The following HGS variants were observed in gnomAD, a reference collection of about 807,000 sequenced individuals.
HGS encodes hepatocyte growth factor-regulated tyrosine kinase substrate.
Under a neutral mutation model 109.7 loss-of-function variants are expected in HGS, and 63 were observed. The observed-to-expected ratio is 0.57, with a 90% CI of 0.47 to 0.71. The LOEUF (loss-of-function observed/expected upper bound fraction) is 0.71. Ranked by LOEUF, HGS falls within the 30% of genes least tolerant of loss-of-function variation. The pLI, the probability that HGS is intolerant of heterozygous loss-of-function variation, is 0.00. For missense variants in HGS, 995 were observed against 1,068.3 expected (o/e 0.93, Z 0.96); for synonymous variants, 546 against 437.3 (o/e 1.25, Z -3.10).
intron 2 of HGS, 57 bp from the exon 3 acceptor site, chr17:81,686,255 T>C (rs1240297318): frequency 6.3e-6 from 9 of 1,428,348 alleles, no homozygotes; most frequent in Non-Finnish European, 7.9e-6. Flanking sequence ...CTCATCTTAG[T>C]TGCTGAGACT....
intron 3 of HGS, among the ~76,000 whole-genome samples, chr17:81,686,643 C>T (rs1379886257): frequency 1.3e-5 from 2 of 152,346 alleles, no homozygotes; most frequent in South Asian, 2.1e-4. Flanking sequence ...CACCAGAAGG[C>T]GGATGTCATT....
rs1489481525 is a variant in HGS, at chr17:81,701,603, C to G, written c.2319C>G (p.Leu773=). Residue 773 remains leucine, a synonymous_variant, in exon 22 of 22, where the codon CTC becomes CTG. Transcript: ENST00000329138. ...GPPAQGSEAQ[L]ISFD is the part of the protein sequence containing the mutation. ...CGGCACAGGGCAGCGAGGCCCAGCT[C>G]ATTTCATTCGACTGACCCAGGCCAT... 3 of 1,566,710 alleles carry G rather than the reference C, an allele frequency of 1.9e-6. No individual in the cohort carries two copies. Among genetic ancestry groups the G allele is most frequent in the African/African-American group, 1.4e-5 (1 of 73,934 alleles).
intron 18 of HGS, among the ~76,000 whole-genome samples, chr17:81,698,675 T>C (rs2037190131): frequency 6.6e-6 from 1 of 152,204 alleles, no homozygotes; most frequent in Admixed American, 6.5e-5. Context: ...AGCTCTAGGT[T>C]GTTAGCAGAC....
At position 81,695,910 on chromosome 17, in the gene HGS, A is replaced by G. The variant is rs779150744; in HGVS notation, c.1304A>G (p.Asn435Ser). The G allele has an allele frequency of 6.2e-6, 10 of 1,609,076 alleles. No homozygotes were observed. The highest frequency in any genetic ancestry group is 1.6e-4 in the Middle Eastern group (1 of 6,066). The change falls in exon 15 of 22, where the codon AAT (asparagine) becomes AGT (serine). Residue 435 changes from asparagine to serine, a missense_variant. Asn to Ser is a conservative substitution (Grantham distance 46). Around this residue, in one of 6 missense-constraint regions of HGS, gnomAD observed 163 missense variants for 217.8 expected, o/e 0.75. Transcript: ENST00000329138. ...SNHMRGRSIT[N>S]DSAVLSLFQS... ...CACATGCGGGGCCGCAGCATCACCAATGACTCGGCCGTGCTCTCACTCTTC... is the reference window on the plus strand; with the variant it reads ...CACATGCGGGGCCGCAGCATCACCAGTGACTCGGCCGTGCTCTCACTCTTC...
intron 11 of HGS, among the ~76,000 whole-genome samples, chr17:81,694,588 G>C (rs982598581): frequency 6.6e-6 from 1 of 152,206 alleles, no homozygotes; most frequent in Non-Finnish European, 1.5e-5. Flanking sequence ...CCATAGCAAG[G>C]TTAGGAGCCT....
chr17:81,689,799 T>G (rs1055330753), intron 5 of HGS, among the ~76,000 whole-genome samples: 2 of 152,194 alleles, frequency 1.3e-5, no homozygotes, highest in Non-Finnish European at 2.9e-5. Context: ...GTGGGAGCTC[T>G]CCTGGATTTT....
chr17:81,700,469 C>T lies in HGS; in HGVS notation c.1885C>T (p.Pro629Ser), dbSNP rs751837720. 18 of 1,562,514 alleles carry T rather than the reference C, an allele frequency of 1.2e-5. No individual in the cohort carries two copies. The South Asian group carries it at 2.1e-4, about 19-fold the overall frequency. ...CTCCCCTGTCTTGTTTGTCACAGAT[C>T]CCAGCATGGTGAGTGCCTACATGTA... Reference protein sequence around the residue: ...YPSMPSTAADPSMVSAYMYPA... With the variant: ...YPSMPSTAADSSMVSAYMYPA... Residue 629 changes from proline (P) to serine (S), a missense_variant and splice_region_variant, in exon 19 of 22, where the codon CCC (proline) becomes TCC (serine). By Grantham distance (74) the Pro-to-Ser change is moderately conservative. Transcript: ENST00000329138.
chr17:81,689,114 G>A (rs984775247), intron 5 of HGS, among the ~76,000 whole-genome samples: 20 of 152,224 alleles, frequency 1.3e-4, no homozygotes, highest in Non-Finnish European at 2.6e-4. Flanking sequence ...GACTCCTGGG[G>A]GCCGGGTTGG....
Position 81,691,583 on chromosome 17 carries a change from C to T in HGS, c.662+12C>T. 3.1e-6 allele frequency: 5 copies of T among 1,613,714 alleles called. No individual in the cohort carries two copies. Among genetic ancestry groups the T allele is most frequent in the Non-Finnish European group, 4.2e-6 (5 of 1,179,840 alleles). On this transcript the variant is annotated intron_variant, in intron 8 of 21. Coordinates refer to ENST00000329138, the MANE Select transcript of HGS (RefSeq NM_004712.5). The surrounding 1 kb of genome is among the most constrained non-coding windows in gnomAD (Gnocchi z 5.3). ...GAGCAGCTGAACAGGTGAGTCCCCG[C>T]CCCCCATTTGGGCTGCAGGTGGGGC... is the stretch of plus-strand genomic sequence containing the variant.
chr17:81,689,286 C>A (rs1009797008), intron 5 of HGS, among the ~76,000 whole-genome samples: 1 of 152,194 alleles, frequency 6.6e-6, no homozygotes, highest in Non-Finnish European at 1.5e-5. Flanking sequence ...AGAGTGCAGC[C>A]GGGCCTGTGC....
intron 18 of HGS, among the ~76,000 whole-genome samples, chr17:81,700,018 T>C (rs1185867923): frequency 6.7e-6 from 1 of 149,790 alleles, no homozygotes; most frequent in African/African-American, 2.5e-5. Flanking sequence ...GAGGTTGCAG[T>C]GAGCTGAGAT....
intron 4 of HGS, among the ~76,000 whole-genome samples, chr17:81,688,354 C>T (rs930405957): frequency 1.3e-5 from 2 of 152,086 alleles, no homozygotes; most frequent in African/African-American, 4.8e-5. Flanking sequence ...TTCTCAGCCC[C>T]AACACCACGC....
rs780459219 is a variant in HGS at position 81,701,099 on chromosome 17, T to C, written c.2191T>C (p.Tyr731His). The change falls in exon 21 of 22, where the codon TAC becomes CAC. Residue 731 changes from tyrosine to histidine, a missense_variant. Around this residue, in one of 6 missense-constraint regions of HGS, gnomAD observed 326 missense variants for 309.7 expected, o/e 1.05. Transcript: ENST00000329138. ...TGCGTCTCTGCCACCCCAGCAGCCCTACATCGCGGGGCAGCAGCCCATGTA... is the reference window on the plus strand; with the variant it reads ...TGCGTCTCTGCCACCCCAGCAGCCCCACATCGCGGGGCAGCAGCCCATGTA... ...QDASLPPQQP[Y>H]IAGQQPMYQQ... 15 of 1,613,954 alleles carry C rather than the reference T, an allele frequency of 9.3e-6. No individual in the cohort carries two copies. Among genetic ancestry groups the C allele is most frequent in the Non-Finnish European group, 1.1e-5 (13 of 1,180,006 alleles).
chr17:81,701,420 T>C (rs569017343), intron 21 of HGS, 88 bp from the exon 22 acceptor site: 3 of 1,359,440 alleles, frequency 2.2e-6, no homozygotes, highest in Non-Finnish European at 3.0e-6. Context: ...CAAGCACTTG[T>C]GGGTCTGTGG....
rs1020866901 is a variant in HGS at position 81,685,336 on chromosome 17, C to T, written c.38-269C>T. On this transcript the variant is annotated intron_variant, in intron 1 of 21. Coordinates refer to ENST00000329138, the MANE Select transcript of HGS (RefSeq NM_004712.5). ...GTGTGACTCACGGCAGTGCCCTCGC[C>T]TCTCTGCTGAGTGTCTTTACCTCGC... 1.7e-4 allele frequency among the ~76,000 whole-genome samples: 26 copies of T among 152,208 alleles called. 1 individual carries two copies. Among genetic ancestry groups the T allele is most frequent in the Admixed American group, 1.7e-3 (26 of 15,282 alleles).
chr17:81,684,291 C>T (rs2036934331), intron 1 of HGS, 188 bp downstream of exon 1: 1 of 447,944 alleles, frequency 2.2e-6, no homozygotes, highest in Non-Finnish European at 3.6e-6. Context: ...GGGTCGGCGT[C>T]CGTCGGGCGT....
rs376757810 is a variant in HGS at position 81,695,056 on chromosome 17, A to G, written c.1108A>G (p.Asn370Asp). 7 of 1,613,018 alleles carry G rather than the reference A, an allele frequency of 4.3e-6. No individual in the cohort carries two copies. The highest frequency in any genetic ancestry group is 5.1e-6 in the Non-Finnish European group (6 of 1,179,322). Residue 370 changes from asparagine (N) to aspartate (D), a missense_variant, in exon 13 of 22, where the codon AAC becomes GAC. By Grantham distance (23) the Asn-to-Asp change is conservative. Transcript: ENST00000329138. The stretch of plus-strand genomic sequence containing the variant: ...TGGGGAAGGGCACGCAGCCCCCACC[A>G]ACGTGGTGGAGGTGAGGGGGCCACT... Reference protein sequence around the residue: ...QPGEGHAAPTNVVENPLPETD... With the variant: ...QPGEGHAAPTDVVENPLPETD...
At position 81,696,820 on chromosome 17, in the gene HGS, C is replaced by T. The variant is rs1279844475; in HGVS notation, c.1708-4C>T. ...ACTCTCACCGCTGTCTCTTTTGTCC[C>T]CAGCTCCAGGCCATGCCCGCAGCCG... is the stretch of plus-strand genomic sequence containing the variant. On this transcript the variant is annotated splice_region_variant and splice_polypyrimidine_tract_variant and intron_variant, in intron 17 of 21. Transcript: ENST00000329138. 1.2e-6 allele frequency: 2 copies of T among 1,606,712 alleles called. No individual in the cohort carries two copies. The highest frequency in any genetic ancestry group is 8.5e-7 in the Non-Finnish European group (1 of 1,175,820).
chr17:81,696,822 A>T lies in HGS; in HGVS notation c.1708-2A>T, dbSNP rs781040147. The stretch of plus-strand genomic sequence containing the variant: ...TCTCACCGCTGTCTCTTTTGTCCCC[A>T]GCTCCAGGCCATGCCCGCAGCCGGA... On this transcript the variant is annotated splice_acceptor_variant, in intron 17 of 21. Transcript: ENST00000329138. LOFTEE classifies it high-confidence loss of function. The T allele has an allele frequency of 1.2e-6, 2 of 1,606,564 alleles. No homozygotes were observed. Among genetic ancestry groups the T allele is most frequent in the Non-Finnish European group, 1.7e-6 (2 of 1,175,794 alleles).
Sources: gnomAD v4.1 joint callset for allele counts (sites outside exome capture counted in the v4.1 genomes callset) on GRCh38, gnomAD v4.1.1 for gene constraint, gnomAD v4.1.1 regional missense constraint, Gnocchi (gnomAD v3.1) non-coding constraint, MANE v1.5 for transcripts, NCBI Gene and HGNC (gene_info 2026-07-23, HGNC 2026-07-21) for gene names.